The following KATNB1 variants were observed in gnomAD, a reference collection of about 807,000 sequenced individuals.
KATNB1 encodes the protein katanin p80 WD40 repeat-containing subunit B1.
In KATNB1, 38 loss-of-function variants were observed where a neutral mutation model predicts 82.3. The observed-to-expected ratio is 0.46, with a 90% CI of 0.36 to 0.61. KATNB1 has a LOEUF of 0.61. KATNB1 is among the 20% of genes least tolerant of loss of function. KATNB1 has a pLI of 0.00. For synonymous variants in KATNB1, 361 were observed against 368.7 expected, an observed-to-expected ratio of 0.98 and a Z score of 0.24; for missense variants, 749 against 915.7, an observed-to-expected ratio of 0.82 and a Z score of 2.35.
Position 57,748,348 on chromosome 16 carries a change from G to A in KATNB1, c.290-2479G>A, listed in dbSNP as rs1213405106. Among the ~76,000 whole-genome samples the A allele has an allele frequency of 2.0e-5, 3 of 152,032 alleles. 1 individual carries two copies. Among genetic ancestry groups the A allele is most frequent in the South Asian group, 4.2e-4 (2 of 4,810 alleles). On this transcript the variant is annotated intron_variant, in intron 4 of 19. Transcript: ENST00000379661. ...AAGGTTCCAAAGAGAGCTGCTCTGC[G>A]GGCATGGTGGCTCACACCTGTAATC... is the stretch of plus-strand genomic sequence containing the variant.
chr16:57,754,575 C>T (rs1297456525), intron 13 of KATNB1, among the ~76,000 whole-genome samples: 3 of 152,136 alleles, frequency 2.0e-5, no homozygotes, highest in Admixed American at 6.5e-5. Flanking sequence ...CCTGCCCTCC[C>T]CTCAGGGACC....
chr16:57,740,500 G>T (rs1567896136), intron 2 of KATNB1, among the ~76,000 whole-genome samples: 1 of 152,238 alleles, frequency 6.6e-6, no homozygotes, highest in Non-Finnish European at 1.5e-5. Flanking sequence ...GAGCGCCGTG[G>T]CTCCAACACC....
In KATNB1 at chr16:57,751,267, G is replaced by C; in HGVS notation, c.397G>C (p.Asp133His). 1.2e-6 allele frequency: 2 copies of C among 1,613,990 alleles called. No individual in the cohort carries two copies. The highest frequency in any genetic ancestry group is 2.2e-5 in the East Asian group (1 of 44,880). ...GSQDTNIKLW[D>H]IRRKGCVFRY... Reference sequence around the variant, plus strand: ...GCTTCTCTCTCCCCCACAGCTCTGGGACATCAGGAGGAAAGGCTGTGTCTT... The same window carrying C: ...GCTTCTCTCTCCCCCACAGCTCTGGCACATCAGGAGGAAAGGCTGTGTCTT... Residue 133 changes from aspartate (D) to histidine (H), a missense_variant, in exon 6 of 20, where the codon GAC (aspartate) becomes CAC (histidine). By Grantham distance (81) the Asp-to-His change is moderately conservative (BLOSUM62 -1). Around this residue, in one of 3 missense-constraint regions of KATNB1, gnomAD observed 247 missense variants for 349.4 expected, o/e 0.71. Coordinates refer to ENST00000379661, the MANE Select transcript of KATNB1 (RefSeq NM_005886.3). This position sits in a 1 kb window ranked among gnomAD's most constrained non-coding sequence, Gnocchi z 6.3.
rs147266913 is a variant in KATNB1 at position 57,752,860 on chromosome 16, C to G, written c.787C>G (p.Arg263Gly). 1.2e-6 allele frequency: 2 copies of G among 1,609,304 alleles called. No individual in the cohort carries two copies. Among genetic ancestry groups the G allele is most frequent in the Non-Finnish European group, 1.7e-6 (2 of 1,179,824 alleles). Residue 263 changes from arginine (R) to glycine (G), a missense_variant, in exon 10 of 20, where the codon CGG becomes GGG. This residue lies in a region of KATNB1 where 407 missense variants were observed against 434.7 expected (regional missense o/e 0.94). Coordinates refer to ENST00000379661, the MANE Select transcript of KATNB1 (RefSeq NM_005886.3). ...SLRVYGWEPE[R>G]CFDVVLVNWG... Reference sequence around the variant, plus strand: ...GCGTGTCTACGGCTGGGAACCTGAGCGGTGCTTTGATGTGGTCCTCGTCAA... The same window carrying G: ...GCGTGTCTACGGCTGGGAACCTGAGGGGTGCTTTGATGTGGTCCTCGTCAA...
At chr16:57,753,584 C>T (rs930308987) in intron 12 of KATNB1, 65 bp downstream of exon 12, 45 of 1,585,272 alleles carry the variant, frequency 2.8e-5, no homozygotes, top group Non-Finnish European at 3.5e-5. Flanking sequence ...GGGGGTCCTT[C>T]CAGGGTAGCC....
chr16:57,744,418 G>A lies in KATNB1; in HGVS notation c.196G>A (p.Val66Met). 6.2e-7 allele frequency: 1 copy of A among 1,613,770 alleles called. No individual in the cohort carries two copies. The highest frequency in any genetic ancestry group is 2.2e-5 in the East Asian group (1 of 44,890). ...GAGCCTGACGGGCCACACATCCCCAGTGGAGAGCGTCCGCCTCAACACCCC... is the reference window on the plus strand; with the variant it reads ...GAGCCTGACGGGCCACACATCCCCAATGGAGAGCGTCCGCCTCAACACCCC... Reference protein sequence around the residue: ...IMSLTGHTSPVESVRLNTPEE... With the variant: ...IMSLTGHTSPMESVRLNTPEE... The change falls in exon 4 of 20, where the codon GTG (valine) becomes ATG (methionine). Residue 66 changes from valine (V) to methionine (M), a missense_variant. Around this residue, in one of 3 missense-constraint regions of KATNB1, gnomAD observed 247 missense variants for 349.4 expected, o/e 0.71. Coordinates refer to ENST00000379661, the MANE Select transcript of KATNB1 (RefSeq NM_005886.3).
In KATNB1 at chr16:57,757,048, C is replaced by T; in HGVS notation, c.*102C>T. 2.3e-6 allele frequency: 3 copies of T among 1,309,150 alleles called. No individual in the cohort carries two copies. Among genetic ancestry groups the T allele is most frequent in the African/African-American group, 1.5e-5 (1 of 66,288 alleles). 81.1% of individuals were successfully genotyped at this position (1,309,150 alleles called of 1,614,324 possible). A position where few individuals can be genotyped will look rare whatever the true frequency, so the allele number is the denominator to read the frequency against. On this transcript the variant is annotated 3_prime_UTR_variant, in exon 20 of 20. Transcript: ENST00000379661. ...CTGGCCCATGAGCCTCTGCCTGGCCCCTGCTGCTGTCCTGTGGCCGTCCTG... is the reference window on the plus strand; with the variant it reads ...CTGGCCCATGAGCCTCTGCCTGGCCTCTGCTGCTGTCCTGTGGCCGTCCTG...
chr16:57,751,489 C>T lies in KATNB1; in HGVS notation c.433-152C>T. 1 of 903,762 alleles carries T rather than the reference C, an allele frequency of 1.1e-6. No homozygotes were observed. The highest frequency in any genetic ancestry group is 1.6e-5 in the African/African-American group (1 of 61,412). 56.0% of individuals were successfully genotyped at this position (903,762 alleles called of 1,614,324 possible). On this transcript the variant is annotated intron_variant, in intron 6 of 19. Transcript: ENST00000379661. The surrounding 1 kb of genome is among the most constrained non-coding windows in gnomAD (Gnocchi z 6.3). ...CTGGATCCCCTGGCTCTGCATGAAT[C>T]CCCTAGAGCCACGTTCATCAAACTG... is the stretch of plus-strand genomic sequence containing the variant.
chr16:57,748,848 A>G (rs2049203526), intron 4 of KATNB1, among the ~76,000 whole-genome samples: 2 of 152,204 alleles, frequency 1.3e-5, no homozygotes, highest in Non-Finnish European at 2.9e-5. Context: ...ACTCCGCCAC[A>G]TCCTCTCTGG....
chr16:57,751,909 CACCCTGACCTCCTCCCT>C lies in KATNB1; in HGVS notation c.517-30_517-14del, dbSNP rs1555583343. The C allele has an allele frequency of 1.2e-5, 19 of 1,560,878 alleles. No homozygotes were observed. The South Asian group carries it at 2.1e-4, about 17-fold the overall frequency. ...AGGGTGGGCAGCCAAGATGCCTGGT[CACCCTGACCTCCTCCCT>C]GCCCTGCCTCCAGCTCTGGGATCTC... On this transcript the variant is annotated splice_polypyrimidine_tract_variant and intron_variant, in intron 7 of 19. Coordinates refer to ENST00000379661, the MANE Select transcript of KATNB1 (RefSeq NM_005886.3). This position sits in a 1 kb window ranked among gnomAD's most constrained non-coding sequence, Gnocchi z 6.3.
At chr16:57,740,854 G>A (rs1451493992) in intron 2 of KATNB1, among the ~76,000 whole-genome samples, 6 of 151,964 alleles carry the variant, frequency 3.9e-5, no homozygotes, top group Admixed American at 6.6e-5. Context: ...ACCCTCTGGT[G>A]CCCGCCCAGG....
Position 57,753,142 on chromosome 16 carries a change from G to A in KATNB1, c.921G>A (p.Arg307=). ...SYVVDLTRVT[R]TGTVARDPVQ... ...TGGTGGATCTGACGCGTGTCACCAG[G>A]ACTGGCACGGTGGCCCGGGACCCTG... is the stretch of plus-strand genomic sequence containing the variant. The change falls in exon 11 of 20, where the codon AGG becomes AGA. Residue 307 remains arginine (R), a synonymous_variant. Coordinates refer to ENST00000379661, the MANE Select transcript of KATNB1 (RefSeq NM_005886.3). 1 of 1,611,558 alleles carries A rather than the reference G, an allele frequency of 6.2e-7. No individual in the cohort carries two copies.
intron 3 of KATNB1, among the ~76,000 whole-genome samples, chr16:57,744,037 G>A (rs1250851534): frequency 2.0e-5 from 3 of 152,222 alleles, no homozygotes; most frequent in African/African-American, 7.2e-5. Context: ...CAGAGCGGGG[G>A]CAGGGTTGCT....
In KATNB1 at chr16:57,750,827, T is replaced by A. The variant is rs1555582814; in HGVS notation, c.290T>A (p.Ile97Asn). ...IRVWDLEAAK[I>N]LRTLMGHKAN... ...CTGTCTCTGCTTTCCTTCTTGTTAG[T>A]TCTTCGCACACTCATGGGACACAAA... Residue 97 changes from isoleucine to asparagine, a missense_variant and splice_region_variant, in exon 5 of 20, where the codon ATT becomes AAT. Ile to Asn is a moderately radical substitution (Grantham distance 149). Coordinates refer to ENST00000379661, the MANE Select transcript of KATNB1 (RefSeq NM_005886.3). The A allele has an allele frequency of 6.2e-7, 1 of 1,613,804 alleles. No individual in the cohort carries two copies. Among genetic ancestry groups the A allele is most frequent in the Non-Finnish European group, 8.5e-7 (1 of 1,179,678 alleles).
At chr16:57,753,616 T>A in intron 12 of KATNB1, 97 bp downstream of exon 12, 1 of 1,483,324 alleles carries the variant, frequency 6.7e-7, no homozygotes, top group Non-Finnish European at 9.2e-7. Flanking sequence ...CGCATCCCTT[T>A]AACTTCCTCC....
Position 57,751,142 on chromosome 16 carries a change from TG to T in KATNB1, c.391-115del. On this transcript the variant is annotated intron_variant, in intron 5 of 19. Coordinates refer to ENST00000379661, the MANE Select transcript of KATNB1 (RefSeq NM_005886.3). The surrounding 1 kb of genome is among the most constrained non-coding windows in gnomAD (Gnocchi z 6.3). ...TGAGCAGTTTCTGTCCTTGTCTCCG[TG>T]GGGAGTAACGACCTAGAGAAGGCTG... The T allele has an allele frequency of 1.0e-6, 1 of 998,764 alleles. No individual in the cohort carries two copies. The highest frequency in any genetic ancestry group is 1.6e-6 in the Non-Finnish European group (1 of 633,176). 61.9% of individuals were successfully genotyped at this position (998,764 alleles called of 1,614,324 possible).
chr16:57,755,350 G>A lies in KATNB1; in HGVS notation c.1422G>A (p.Val474=). 6.2e-7 allele frequency: 1 copy of A among 1,613,202 alleles called. No individual in the cohort carries two copies. The highest frequency in any genetic ancestry group is 1.1e-5 in the South Asian group (1 of 91,088). The change falls in exon 16 of 20, where the codon GTG becomes GTA. Residue 474 remains valine (V), a synonymous_variant. Transcript: ENST00000379661. ...TGGGTGTCCATCCCACGCAGGCCGTGAAGATCCCCCAGCAGGCCGAGCTGG... is the reference window on the plus strand; with the variant it reads ...TGGGTGTCCATCCCACGCAGGCCGTAAAGATCCCCCAGCAGGCCGAGCTGG... ...GLKASDFLPA[V]KIPQQAELVD...
chr16:57,756,744 C>G (rs570917248), intron 19 of KATNB1, 70 bp from the exon 20 acceptor site: 1 of 1,472,830 alleles, frequency 6.8e-7, no homozygotes, highest in Non-Finnish European at 9.0e-7. Context: ...GTTAGGACAG[C>G]AAAGGCCCTG....
chr16:57,749,406 C>G (rs1464414873), intron 4 of KATNB1, among the ~76,000 whole-genome samples: 2 of 152,220 alleles, frequency 1.3e-5, no homozygotes, highest in Non-Finnish European at 2.9e-5. Context: ...GAGCCCACAT[C>G]CTGACTTTGG....
Sources: gnomAD v4.1 joint callset for allele counts (sites outside exome capture counted in the v4.1 genomes callset) on GRCh38, gnomAD v4.1.1 for gene constraint, gnomAD v4.1.1 regional missense constraint, Gnocchi (gnomAD v3.1) non-coding constraint, MANE v1.5 for transcripts, NCBI Gene and HGNC (gene_info 2026-07-23, HGNC 2026-07-21) for gene names.